The following RHD variants were observed in gnomAD, a reference collection of about 807,000 sequenced individuals.
RHD encodes Rh blood group D antigen, also known as blood group Rh(D) polypeptide.
Under a neutral mutation model 45.5 loss-of-function variants are expected in RHD, and 16 were observed. The ratio of observed to expected loss-of-function variants is 0.35; its 90% CI spans 0.24 to 0.53. The LOEUF (loss-of-function observed/expected upper bound fraction) is 0.53. Among genes scored for constraint, RHD ranks in the 20% least tolerant of loss-of-function variants. The pLI, the probability that RHD is intolerant of heterozygous loss-of-function variation, is 0.92. For missense variants in RHD, 306 were observed against 532.0 expected, an observed-to-expected ratio of 0.58 and a Z score of 4.18; for synonymous variants, 131 against 217.5, an observed-to-expected ratio of 0.60 and a Z score of 3.50.
rs1214598540 is a variant in RHD, at chr1:25,321,498, T to TAA, written c.1154-370_1154-369dup. Among the ~76,000 whole-genome samples the TAA allele has an allele frequency of 4.6e-4, 35 of 76,330 alleles. 2 individuals are homozygous for TAA. Among genetic ancestry groups the TAA allele is most frequent in the African/African-American group, 1.2e-3 (27 of 23,380 alleles). The allele number at this position is 76,330 out of a possible 152,430, so 50.1% of individuals were successfully genotyped here. A position where few individuals can be genotyped will look rare whatever the true frequency, so the allele number is the denominator to read the frequency against. On this transcript the variant is annotated intron_variant, in intron 8 of 9. Coordinates refer to ENST00000328664, the MANE Select transcript of RHD (RefSeq NM_016124.6). Reference sequence around the variant, plus strand: ...CAACATGGTGAAACTCCATCTCTACTAAAAAAAAAAAAAAAAAAAAAATTA... The same window carrying TAA: ...CAACATGGTGAAACTCCATCTCTACTAAAAAAAAAAAAAAAAAAAAAAAATTA...
At chr1:25,314,945 C>G (rs527297757) in intron 7 of RHD, among the ~76,000 whole-genome samples, 1 of 130,828 alleles carries the variant, frequency 7.6e-6, no homozygotes, top group African/African-American at 2.6e-5. Flanking sequence ...TGGCTCACAC[C>G]TGTAATCCCA....
chr1:25,293,334 T>C lies in RHD; in HGVS notation c.486+2543T>C, dbSNP rs1394430031. On this transcript the variant is annotated intron_variant, in intron 3 of 9. Coordinates refer to ENST00000328664, the MANE Select transcript of RHD (RefSeq NM_016124.6). ...TTGAGCACTGATACCTTTAGGCCGA[T>C]GCAGGGACAGTTCATCTTTTTTTTT... Among the ~76,000 whole-genome samples, 2 of 128,194 alleles carry C rather than the reference T, an allele frequency of 1.6e-5. 1 individual carries two copies. The highest frequency in any genetic ancestry group is 3.6e-5 in the Non-Finnish European group (2 of 54,922). 84.1% of individuals were successfully genotyped at this position (128,194 alleles called of 152,430 possible).
chr1:25,315,496 T>A lies in RHD; in HGVS notation c.1074-1504T>A, dbSNP rs1347682679. Among the ~76,000 whole-genome samples the A allele has an allele frequency of 3.3e-5, 4 of 122,972 alleles. 1 individual carries two copies. Among genetic ancestry groups the A allele is most frequent in the African/African-American group, 1.2e-4 (4 of 33,766 alleles). 80.7% of individuals were successfully genotyped at this position (122,972 alleles called of 152,430 possible). A position where few individuals can be genotyped will look rare whatever the true frequency, so the allele number is the denominator to read the frequency against. ...CTTTTTAATTTATTTTTCTTTTCTT[T>A]CTTTCTTTTTTTTTTTTTGAGATGG... On this transcript the variant is annotated intron_variant, in intron 7 of 9. Coordinates refer to ENST00000328664, the MANE Select transcript of RHD (RefSeq NM_016124.6).
intron 2 of RHD, among the ~76,000 whole-genome samples, chr1:25,285,047 C>T (rs1201301864): frequency 2.2e-5 from 3 of 134,302 alleles, no homozygotes; most frequent in African/African-American, 5.2e-5. Flanking sequence ...TGTAAAGTTA[C>T]ATAATCAATA....
intron 7 of RHD, among the ~76,000 whole-genome samples, chr1:25,312,947 A>AAAAAAAAAAAAAAAAAAAAAG (rs1644238926): frequency 9.1e-6 from 1 of 110,162 alleles, no homozygotes; most frequent in Non-Finnish European, 2.2e-5. Flanking sequence ...AAAAAAAAAA[A>AAAAAAAAAAAAAAAAAAAAAG]AAAAAAAACT....
At chr1:25,284,838 A>G in intron 2 of RHD, 79 bp downstream of exon 2, 1 of 1,252,210 alleles carries the variant, frequency 8.0e-7, no homozygotes, top group Non-Finnish European at 1.2e-6. Flanking sequence ...AAGATCTGGG[A>G]TATTGCCCCC....
intron 8 of RHD, among the ~76,000 whole-genome samples, chr1:25,320,766 G>T (rs1220406012): frequency 7.6e-6 from 1 of 132,024 alleles, no homozygotes; most frequent in Non-Finnish European, 1.8e-5. Context: ...TGGAGGTTGG[G>T]CACAGTGGCT....
chr1:25,282,998 A>C lies in RHD; in HGVS notation c.149-1575A>C, dbSNP rs1244078757. On this transcript the variant is annotated intron_variant, in intron 1 of 9. Coordinates refer to ENST00000328664, the MANE Select transcript of RHD (RefSeq NM_016124.6). ...GAGACAATATTAATGACGGAAAAAA[A>C]ATTCTTCAAGATCTCTCTCTCTCCA... Among the ~76,000 whole-genome samples, 3 of 133,052 alleles carry C rather than the reference A, an allele frequency of 2.3e-5. 1 individual carries two copies. The highest frequency in any genetic ancestry group is 5.4e-5 in the Non-Finnish European group (3 of 56,056). 87.3% of individuals were successfully genotyped at this position (133,052 alleles called of 152,430 possible).
chr1:25,312,986 T>TAAG (rs1204318460), intron 7 of RHD, among the ~76,000 whole-genome samples: 2 of 102,262 alleles, frequency 2.0e-5, no homozygotes, highest in African/African-American at 6.7e-5. Flanking sequence ...ATTTTGCATG[T>TAAG]AAGAAGGACA....
At chr1:25,274,742 C>CTTT (rs1640794298) in intron 1 of RHD, among the ~76,000 whole-genome samples, 2 of 134,198 alleles carry the variant, frequency 1.5e-5, no homozygotes, top group South Asian at 2.3e-4. Context: ...CGACGTGGCT[C>CTTT]ACGCCTGTAA....
intron 1 of RHD, among the ~76,000 whole-genome samples, chr1:25,277,390 A>G (rs868126581): frequency 7.5e-6 from 1 of 132,642 alleles, no homozygotes; most frequent in Non-Finnish European, 1.8e-5. Flanking sequence ...AGAAATGCAG[A>G]TTCTCAGGCC....
At chr1:25,291,228 G>A (rs1448579393) in intron 3 of RHD, among the ~76,000 whole-genome samples, 5 of 130,660 alleles carry the variant, frequency 3.8e-5, no homozygotes, top group African/African-American at 1.3e-4. Flanking sequence ...CAGCACTTTG[G>A]GAGGCCAAGG....
chr1:25,275,693 C>T (rs1640905319), intron 1 of RHD, among the ~76,000 whole-genome samples: 1 of 132,980 alleles, frequency 7.5e-6, no homozygotes, highest in African/African-American at 2.6e-5. Context: ...ATAATATTTT[C>T]AAATTACTAA....
At position 25,306,447 on chromosome 1, in the gene RHD, G is replaced by A. The variant is rs369712636; in HGVS notation, c.940-149G>A. ...CAACAAACTCCCCGATGATGTGAGT[G>A]CACATTCAAGTCTGAGAAGGGCTTC... is the stretch of plus-strand genomic sequence containing the variant. On this transcript the variant is annotated intron_variant, in intron 6 of 9. Transcript: ENST00000328664. 1.3e-5 allele frequency: 10 copies of A among 771,536 alleles called. 1 individual carries two copies. The African/African-American group carries it at 1.4e-4, about 11-fold the overall frequency. 47.8% of individuals were successfully genotyped at this position (771,536 alleles called of 1,614,324 possible).
Position 25,296,358 on chromosome 1 carries a change from T to C in RHD, c.487-4588T>C, listed in dbSNP as rs1642960174. On this transcript the variant is annotated intron_variant, in intron 3 of 9. Transcript: ENST00000328664. ...GCCTCCTGGATTCAAGCAATTCTTGTGCCTCACCCTCCCGAGTAGCTGGGA... is the reference window on the plus strand; with the variant it reads ...GCCTCCTGGATTCAAGCAATTCTTGCGCCTCACCCTCCCGAGTAGCTGGGA... Among the ~76,000 whole-genome samples, 2 of 124,540 alleles carry C rather than the reference T, an allele frequency of 1.6e-5. 1 individual carries two copies. Among genetic ancestry groups the C allele is most frequent in the African/African-American group, 5.5e-5 (2 of 36,684 alleles). 81.7% of individuals were successfully genotyped at this position (124,540 alleles called of 152,430 possible).
intron 6 of RHD, chr1:25,304,920 T>C (rs1643678410): frequency 7.6e-6 from 1 of 132,204 alleles, no homozygotes; most frequent in African/African-American, 2.6e-5. Flanking sequence ...CTTGACTTCA[T>C]CACTGGCAGG....
rs141287614 is a variant in RHD, at chr1:25,301,080, G to T, written c.621G>T (p.Leu207Phe). The T allele has an allele frequency of 1.5e-6, 2 of 1,376,570 alleles. No individual in the cohort carries two copies. Among genetic ancestry groups the T allele is most frequent in the Admixed American group, 3.6e-5 (2 of 56,052 alleles). The allele number at this position is 1,376,570 out of a possible 1,614,324, so 85.3% of individuals were successfully genotyped here. Residue 207 changes from leucine to phenylalanine, a missense_variant, in exon 4 of 10, where the codon TTG (leucine) becomes TTT (phenylalanine). By Grantham distance (22) the Leu-to-Phe change is conservative. Coordinates refer to ENST00000328664, the MANE Select transcript of RHD (RefSeq NM_016124.6). Reference sequence around the variant, plus strand: ...ATCAGACAGCAACGATACCCAGTTTGTCTGCCATGCTGGGTAAGGACAAGG... The same window carrying T: ...ATCAGACAGCAACGATACCCAGTTTTTCTGCCATGCTGGGTAAGGACAAGG... Reference protein sequence around the residue: ...DKDQTATIPSLSAMLGALFLW... With the variant: ...DKDQTATIPSFSAMLGALFLW...
intron 7 of RHD, chr1:25,307,909 T>A: frequency 3.0e-6 from 3 of 1,011,590 alleles, no homozygotes; most frequent in East Asian, 2.5e-5. Flanking sequence ...GCCACTGTCT[T>A]AATAACTGTG....
At chr1:25,284,897 A>G in intron 2 of RHD, 138 bp downstream of exon 2, 1 of 1,064,404 alleles carries the variant, frequency 9.4e-7, no homozygotes. Flanking sequence ...TCCTTATACT[A>G]AAAGATTATT....
Sources: gnomAD v4.1 joint callset for allele counts (sites outside exome capture counted in the v4.1 genomes callset) on GRCh38, gnomAD v4.1.1 for gene constraint, MANE v1.5 for transcripts, NCBI Gene and HGNC (gene_info 2026-07-23, HGNC 2026-07-21) for gene names.